The following NF1 variants were observed in gnomAD, a reference collection of about 807,000 sequenced individuals.
NF1 encodes the protein neurofibromin 1, also known as neurofibromin.
Under a neutral mutation model 325.7 loss-of-function variants are expected in NF1, and 122 were observed. The observed-to-expected ratio is 0.37, with a 90% confidence interval of 0.32 to 0.44. NF1 has a LOEUF of 0.44. NF1 is among the 20% of genes least tolerant of loss of function. NF1 has a pLI of 1.00. For synonymous variants in NF1, 1,091 were observed against 1,186.0 expected (o/e 0.92, Z 1.65); for missense variants, 2,140 against 3,415.4 (o/e 0.63, Z 9.31).
At chr17:31,270,034 AG>A (rs1219077369) in intron 36 of NF1, among the ~76,000 whole-genome samples, 1 of 152,354 alleles carries the variant, frequency 6.6e-6, no homozygotes, top group Admixed American at 6.5e-5. Context: ...CTGGGCAGGC[AG>A]AAGTAGCAGA....
chr17:31,209,197 C>T (rs575343791), intron 12 of NF1, among the ~76,000 whole-genome samples: 3 of 152,178 alleles, frequency 2.0e-5, no homozygotes, highest in South Asian at 2.1e-4. Context: ...GACAAAATCA[C>T]CCCCAGTTGA....
chr17:31,366,132 A>G (rs913799325), intron 57 of NF1, among the ~76,000 whole-genome samples: 1 of 151,740 alleles, frequency 6.6e-6, no homozygotes, highest in African/African-American at 2.4e-5. Flanking sequence ...ACAGGGTTTC[A>G]CCATATTGGC....
chr17:31,335,365 C>G (rs2069639935), intron 40 of NF1, among the ~76,000 whole-genome samples: 2 of 95,122 alleles, frequency 2.1e-5, no homozygotes, highest in African/African-American at 1.0e-4. Context: ...CTGTAGAAAT[C>G]TGGTGACATT....
At chr17:31,220,449 A>C (rs1044545095) in intron 14 of NF1, among the ~76,000 whole-genome samples, 2 of 152,144 alleles carry the variant, frequency 1.3e-5, no homozygotes, top group Non-Finnish European at 2.9e-5. Context: ...CTATCACTTT[A>C]AAAATCTTAT....
chr17:31,218,452 A>G (rs1203643487), intron 13 of NF1, among the ~76,000 whole-genome samples: 2 of 152,220 alleles, frequency 1.3e-5, no homozygotes, highest in African/African-American at 4.8e-5. Context: ...CCCACATACC[A>G]TAAAATTCAC....
chr17:31,337,139 A>G (rs1036737421), intron 42 of NF1, among the ~76,000 whole-genome samples: 2 of 152,220 alleles, frequency 1.3e-5, no homozygotes, highest in Admixed American at 6.5e-5. Context: ...GAGTTATCCC[A>G]TAAGCGGAAT....
rs876658709 is a variant in NF1, at chr17:31,156,093, C to A, written c.171C>A (p.Gly57=). The A allele has an allele frequency of 6.2e-7, 1 of 1,613,422 alleles. No individual in the cohort carries two copies. The highest frequency in any genetic ancestry group is 8.5e-7 in the Non-Finnish European group (1 of 1,179,742). ...ACAAGTTTTCTTTGGTTATAAGCGGCCTCACTACTATTTTAAAGAATGTTA... is the reference window on the plus strand; with the variant it reads ...ACAAGTTTTCTTTGGTTATAAGCGGACTCACTACTATTTTAAAGAATGTTA... The part of the protein sequence containing the change: ...SKYKFSLVIS[G]LTTILKNVNN... Residue 57 remains glycine, a synonymous_variant, in exon 2 of 58, where the codon GGC becomes GGA. Coordinates refer to ENST00000358273, the MANE Select transcript of NF1 (RefSeq NM_001042492.3).
At chr17:31,190,514 C>G (rs1223411558) in intron 8 of NF1, among the ~76,000 whole-genome samples, 1 of 152,154 alleles carries the variant, frequency 6.6e-6, no homozygotes, top group African/African-American at 2.4e-5. Flanking sequence ...TGATAGAGAT[C>G]TGACACATTC....
intron 1 of NF1, among the ~76,000 whole-genome samples, chr17:31,134,170 G>A (rs1249852131): frequency 6.6e-6 from 1 of 152,120 alleles, no homozygotes; most frequent in African/African-American, 2.4e-5. Flanking sequence ...GGAAGCCACT[G>A]TACCTAGCAC....
At chr17:31,148,813 T>C (rs1293985436) in intron 1 of NF1, among the ~76,000 whole-genome samples, 2 of 152,172 alleles carry the variant, frequency 1.3e-5, no homozygotes, top group East Asian at 3.9e-4. Context: ...GATACAGTTT[T>C]CAGTTGATTT....
chr17:31,273,881 G>A (rs191131380), intron 36 of NF1, among the ~76,000 whole-genome samples: 182 of 152,264 alleles, frequency 1.2e-3, no homozygotes, highest in African/African-American at 4.1e-3. Context: ...TTAATGAATT[G>A]CTTCACTGGA....
rs1270674587 is a variant in NF1, at chr17:31,227,235, A to G, written c.2269A>G (p.Lys757Glu). Residue 757 changes from lysine to glutamate, a missense_variant, in exon 19 of 58, where the codon AAA becomes GAA. Physicochemically the swap from Lys to Glu is moderately conservative, Grantham distance 56. Coordinates refer to ENST00000358273, the MANE Select transcript of NF1 (RefSeq NM_001042492.3). ...MMSTGRAALQ[K>E]RVMALLRRIE... ...TTGCTTAGGAAGAGCAGCACTTCAG[A>G]AAAGAGTGATGGCACTGCTGAGGCG... 6.2e-7 allele frequency: 1 copy of G among 1,613,716 alleles called. No individual in the cohort carries two copies.
rs786203558 is a variant in NF1 at position 31,340,639 on chromosome 17, TGAC to T, written c.7057_7059del (p.Asp2353del). Reference sequence around the variant, plus strand: ...CTTTAGATAGTCTCCGTATATTCAATGACAAGGTAAGCAAACTTTGCCTTGAGG... The same window carrying T: ...CTTTAGATAGTCTCCGTATATTCAATAAGGTAAGCAAACTTTGCCTTGAGG... On this transcript the variant is annotated inframe_deletion, in exon 47 of 58. Transcript: ENST00000358273. 2 of 1,614,136 alleles carry T rather than the reference TGAC, an allele frequency of 1.2e-6. No individual in the cohort carries two copies. Among genetic ancestry groups the T allele is most frequent in the Non-Finnish European group, 1.7e-6 (2 of 1,179,984 alleles).
chr17:31,181,859 T>G, intron 7 of NF1, 74 bp downstream of exon 7: 1 of 1,058,050 alleles, frequency 9.5e-7, no homozygotes, highest in Non-Finnish European at 1.5e-6. Context: ...CCTATCATCG[T>G]TTTCCAAGTT....
chr17:31,190,089 C>CAAAAAAA (rs766783457), intron 8 of NF1, among the ~76,000 whole-genome samples: 1 of 98,234 alleles, frequency 1.0e-5, no homozygotes, highest in Non-Finnish European at 1.9e-5. Context: ...AAATGTATTA[C>CAAAAAAA]AAAAAAAAAA....
chr17:31,292,326 G>T (rs746673538), intron 36 of NF1, among the ~76,000 whole-genome samples: 36 of 152,136 alleles, frequency 2.4e-4, no homozygotes, highest in Non-Finnish European at 4.9e-4. Flanking sequence ...TTTTTCTGGA[G>T]CCAGGAATAT....
chr17:31,333,527 T>C (rs1472728196), intron 39 of NF1, among the ~76,000 whole-genome samples: 3 of 152,200 alleles, frequency 2.0e-5, no homozygotes, highest in African/African-American at 4.8e-5. Context: ...ATGACCTCTA[T>C]TGCACAGATT....
At chr17:31,149,593 A>C (rs1457167265) in intron 1 of NF1, among the ~76,000 whole-genome samples, 2 of 152,180 alleles carry the variant, frequency 1.3e-5, no homozygotes, top group Non-Finnish European at 2.9e-5. Flanking sequence ...CATACTGTGT[A>C]ATGATAAGGA....
chr17:31,373,125 T>C (rs1337676717), intron 57 of NF1, among the ~76,000 whole-genome samples: 1 of 152,206 alleles, frequency 6.6e-6, no homozygotes, highest in African/African-American at 2.4e-5. Context: ...TGACTTGGCA[T>C]AGCTGAAAAG....
Sources: gnomAD v4.1 joint callset for allele counts (sites outside exome capture counted in the v4.1 genomes callset) on GRCh38, gnomAD v4.1.1 for gene constraint, MANE v1.5 for transcripts, NCBI Gene and HGNC (gene_info 2026-07-23, HGNC 2026-07-21) for gene names.